The following LRP1B variants were observed in gnomAD, a reference collection of about 807,000 sequenced individuals.
The protein encoded by LRP1B is low-density lipoprotein receptor-related protein 1B.
A neutral mutation model predicts 556.6 loss-of-function variants in LRP1B; 217 were observed. The ratio of observed to expected loss-of-function variants is 0.39; its 90% CI spans 0.35 to 0.44. LRP1B has a LOEUF of 0.44. Ranked by LOEUF, LRP1B falls within the 20% of genes least tolerant of loss-of-function variation. The pLI is 1.00. For missense variants in LRP1B, 5,053 were observed against 5,620.8 expected (o/e 0.90, Z 3.23); for synonymous variants, 2,047 against 1,865.8 (o/e 1.10, Z -2.50).
At chr2:140,469,929 C>T (rs2105340586) in intron 60 of LRP1B, among the ~76,000 whole-genome samples, 1 of 152,246 alleles carries the variant, frequency 6.6e-6, no homozygotes, top group African/African-American at 2.4e-5. Context: ...TTTAACCGCA[C>T]TTATTACATA....
chr2:141,866,304 A>G (rs1167301243), intron 1 of LRP1B, among the ~76,000 whole-genome samples: 1 of 152,226 alleles, frequency 6.6e-6, no homozygotes, highest in Non-Finnish European at 1.5e-5. Flanking sequence ...GTCTCTCTCT[A>G]GTCTACAGCT....
intron 2 of LRP1B, among the ~76,000 whole-genome samples, chr2:141,635,148 A>G (rs1396136757): frequency 6.6e-6 from 1 of 151,966 alleles, no homozygotes; most frequent in African/African-American, 2.4e-5. Flanking sequence ...GAAAAGAAAG[A>G]AAAGAAAATG....
At chr2:140,499,650 G>T (rs1266702216) in intron 55 of LRP1B, among the ~76,000 whole-genome samples, 1 of 151,874 alleles carries the variant, frequency 6.6e-6, no homozygotes, top group African/African-American at 2.4e-5. Flanking sequence ...TATATTGAAT[G>T]CTGTAGGCAA....
chr2:141,649,375 A>T (rs937245572), intron 2 of LRP1B, among the ~76,000 whole-genome samples: 14 of 152,198 alleles, frequency 9.2e-5, no homozygotes, highest in African/African-American at 3.4e-4. Flanking sequence ...CAAGAAGTAA[A>T]GTGTGAAATG....
At chr2:141,441,368 A>G (rs1433578105) in intron 3 of LRP1B, among the ~76,000 whole-genome samples, 2 of 152,022 alleles carry the variant, frequency 1.3e-5, no homozygotes, top group Non-Finnish European at 2.9e-5. Flanking sequence ...GTGAGCCACC[A>G]CACCTGGCCA....
At position 141,229,278 on chromosome 2, in the gene LRP1B, G is replaced by A. The variant is rs1473510433; in HGVS notation, c.755C>T (p.Ser252Leu). 2 of 1,610,774 alleles carry A rather than the reference G, an allele frequency of 1.2e-6. No individual in the cohort carries two copies. Among genetic ancestry groups the A allele is most frequent in the Non-Finnish European group, 1.7e-6 (2 of 1,177,346 alleles). Residue 252 changes from serine to leucine, a missense_variant, in exon 6 of 91, where the codon TCA becomes TTA. By Grantham distance (145) the Ser-to-Leu change is moderately radical. This residue lies in a region of LRP1B where 3,619 missense variants were observed against 3,931.9 expected (regional missense o/e 0.92). Transcript: ENST00000389484. ...YNEDMICWIE[S>L]RESSNQLKCI... ...TTTGAGTTGATTTGAAGATTCTCTT[G>A]ATTCAATCCAACAAATCATATCTTC...
At chr2:140,506,185 T>G (rs1689402152) in intron 53 of LRP1B, among the ~76,000 whole-genome samples, 1 of 152,116 alleles carries the variant, frequency 6.6e-6, no homozygotes, top group Admixed American at 6.6e-5. Flanking sequence ...TGTCTTCAAA[T>G]TTCAAGTATT....
At chr2:140,754,845 G>A (rs1193948077) in intron 35 of LRP1B, among the ~76,000 whole-genome samples, 1 of 149,904 alleles carries the variant, frequency 6.7e-6, no homozygotes, top group Non-Finnish European at 1.5e-5. Flanking sequence ...ATACAGAGAG[G>A]AAAAACAACA....
At chr2:142,007,423 T>C (rs1471499076) in intron 1 of LRP1B, among the ~76,000 whole-genome samples, 8 of 152,190 alleles carry the variant, frequency 5.3e-5, no homozygotes, top group African/African-American at 1.4e-4. Context: ...TAATGAGCAT[T>C]TGTATAGGTA....
intron 3 of LRP1B, among the ~76,000 whole-genome samples, chr2:141,364,293 A>ACACACG (rs1553503138): frequency 1.3e-5 from 2 of 151,570 alleles, no homozygotes; most frequent in East Asian, 1.9e-4. Context: ...ACACACACAC[A>ACACACG]CGCAAACACA....
chr2:140,293,549 C>T (rs758906228), intron 84 of LRP1B, among the ~76,000 whole-genome samples: 1 of 152,150 alleles, frequency 6.6e-6, no homozygotes, highest in Non-Finnish European at 1.5e-5. Context: ...GATGTTTTCC[C>T]TCCCACTAAT....
At chr2:141,428,286 A>G (rs1472756850) in intron 3 of LRP1B, among the ~76,000 whole-genome samples, 1 of 152,200 alleles carries the variant, frequency 6.6e-6, no homozygotes, top group Non-Finnish European at 1.5e-5. Flanking sequence ...CAGTTTCACC[A>G]AGTCAATGCT....
chr2:142,122,112 G>A (rs529566973), intron 1 of LRP1B, among the ~76,000 whole-genome samples: 3 of 152,104 alleles, frequency 2.0e-5, no homozygotes, highest in East Asian at 3.9e-4. Flanking sequence ...AGAATGGGTC[G>A]GAGCAATTTT....
chr2:141,336,031 A>C (rs1403309061), intron 3 of LRP1B, among the ~76,000 whole-genome samples: 1 of 148,730 alleles, frequency 6.7e-6, no homozygotes, highest in East Asian at 2.0e-4. Flanking sequence ...TATCTCAGAT[A>C]GTTCAAATCT....
intron 35 of LRP1B, among the ~76,000 whole-genome samples, chr2:140,762,224 A>T (rs1260072954): frequency 6.6e-6 from 1 of 152,158 alleles, no homozygotes; most frequent in Non-Finnish European, 1.5e-5. Context: ...TTGCTTATGC[A>T]GTTCATGTTT....
intron 25 of LRP1B, among the ~76,000 whole-genome samples, chr2:140,881,668 CA>C (rs1488728131): frequency 6.6e-6 from 1 of 151,952 alleles, no homozygotes; most frequent in African/African-American, 2.4e-5. Context: ...ATTTTATTAT[CA>C]ATGTAATTAT....
intron 2 of LRP1B, among the ~76,000 whole-genome samples, chr2:141,542,423 G>T (rs548831636): frequency 6.6e-6 from 1 of 152,036 alleles, no homozygotes; most frequent in African/African-American, 2.4e-5. Context: ...TATTTAACAT[G>T]AGATTGTATG....
chr2:140,350,706 G>C (rs1681917354), intron 77 of LRP1B, 91 bp downstream of exon 77: 1 of 1,059,574 alleles, frequency 9.4e-7, no homozygotes, highest in African/African-American at 1.6e-5. Context: ...ATATTACTTA[G>C]TATAATTAGA....
intron 3 of LRP1B, among the ~76,000 whole-genome samples, chr2:141,269,625 G>A (rs1419533329): frequency 6.6e-6 from 1 of 152,080 alleles, no homozygotes; most frequent in African/African-American, 2.4e-5. Flanking sequence ...AAAAAGCCAA[G>A]CCCAGATAAT....
Sources: gnomAD v4.1 joint callset for allele counts (sites outside exome capture counted in the v4.1 genomes callset) on GRCh38, gnomAD v4.1.1 for gene constraint, gnomAD v4.1.1 regional missense constraint, MANE v1.5 for transcripts, NCBI Gene and HGNC (gene_info 2026-07-23, HGNC 2026-07-21) for gene names.